Variants in PRTG observed in about 807,000 individuals in gnomAD.
The protein encoded by PRTG is immunoglobulin superfamily, DCC subclass, member 5.
Under a neutral mutation model 122.5 loss-of-function variants are expected in PRTG, and 67 were observed. That is an observed-to-expected ratio of 0.55 (90% CI 0.45 to 0.67). PRTG has a LOEUF of 0.67. PRTG is among the 30% of genes least tolerant of loss of function. The probability of loss-of-function intolerance (pLI) is 0.00; values close to 1 mark genes in which losing one functional copy is unlikely to be tolerated. For synonymous variants in PRTG, 554 were observed against 501.1 expected, an observed-to-expected ratio of 1.11 and a Z score of -1.41; for missense variants, 1,435 against 1,415.4, an observed-to-expected ratio of 1.01 and a Z score of -0.22.
At chr15:55,659,425 T>C (rs2059397386) in intron 11 of PRTG, among the ~76,000 whole-genome samples, 1 of 152,174 alleles carries the variant, frequency 6.6e-6, no homozygotes, top group African/African-American at 2.4e-5. Context: ...ACTCCTATTA[T>C]CTTTCAGATC....
In PRTG at chr15:55,683,908, G is replaced by C. The variant is rs750954145; in HGVS notation, c.421C>G (p.Pro141Ala). 3.7e-6 allele frequency: 6 copies of C among 1,613,458 alleles called. No individual in the cohort carries two copies. Among genetic ancestry groups the C allele is most frequent in the Non-Finnish European group, 5.1e-6 (6 of 1,179,730 alleles). ...LSTISAFEVQ[P>A]ISTEVHEGGV... ...CCTTCGTGGACCTCAGTGGAAATTGGCTGGACTTCAAATGCAGAAATAGCT... is the reference window on the plus strand; with the variant it reads ...CCTTCGTGGACCTCAGTGGAAATTGCCTGGACTTCAAATGCAGAAATAGCT... The change falls in exon 3 of 20, where the codon CCA becomes GCA. Residue 141 changes from proline (P) to alanine (A), a missense_variant. Pro to Ala is a conservative substitution (Grantham distance 27, BLOSUM62 -1). Transcript: ENST00000389286.
rs1372071526 is a variant in PRTG at position 55,672,557 on chromosome 15, C to A, written c.1929G>T (p.Glu643Asp). The change falls in exon 11 of 20, where the codon GAG becomes GAT. Residue 643 changes from glutamate to aspartate, a missense_variant. By Grantham distance (45) the Glu-to-Asp change is conservative. Transcript: ENST00000389286. ...TGTAGCCCTGAATAGCAGCTGTGTC[C>A]TCTACATCTTGCTGCCACCTCACAG... ...TISVRWQQDV[E>D]DTAAIQGYKL... 1.9e-6 allele frequency: 3 copies of A among 1,613,970 alleles called. No homozygotes were observed. The highest frequency in any genetic ancestry group is 2.5e-6 in the Non-Finnish European group (3 of 1,179,912).
chr15:55,699,177 A>G (rs1173316099), intron 2 of PRTG, among the ~76,000 whole-genome samples: 1 of 152,174 alleles, frequency 6.6e-6, no homozygotes, highest in Non-Finnish European at 1.5e-5. Context: ...GATGATCTTA[A>G]AACTCAATGA....
intron 2 of PRTG, among the ~76,000 whole-genome samples, chr15:55,714,488 C>G (rs1373654439): frequency 2.6e-5 from 4 of 151,920 alleles, no homozygotes; most frequent in African/African-American, 9.7e-5. Flanking sequence ...GCCTCAGCCT[C>G]CCTAAGTGTT....
At chr15:55,678,568 A>G (rs1432294965) in intron 7 of PRTG, among the ~76,000 whole-genome samples, 2 of 152,208 alleles carry the variant, frequency 1.3e-5, no homozygotes, top group Non-Finnish European at 2.9e-5. Flanking sequence ...TTAGATAATA[A>G]AAGTTACTGA....
intron 18 of PRTG, among the ~76,000 whole-genome samples, chr15:55,623,188 C>G (rs573974615): frequency 6.6e-6 from 1 of 151,924 alleles, no homozygotes; most frequent in Non-Finnish European, 1.5e-5. Flanking sequence ...AGGGCCAGAT[C>G]GTAACTATTT....
In PRTG at chr15:55,613,286, T is replaced by G. The variant is rs2059128631; in HGVS notation, c.*6726A>C. 1 of 152,116 alleles carries G rather than the reference T, an allele frequency of 6.6e-6. No homozygotes were observed. Among genetic ancestry groups the G allele is most frequent in the Middle Eastern group, 3.2e-3 (1 of 316 alleles). The allele number at this position is 152,116 out of a possible 1,614,324, so 9.4% of individuals were successfully genotyped here. On this transcript the variant is annotated 3_prime_UTR_variant, in exon 20 of 20. Transcript: ENST00000389286. ...TAAATTAGTTTATATTCATAAAAAA[T>G]CATGAACTCTTCAGACCTAACAAGA...
At chr15:55,635,816 T>G (rs1325421198) in intron 15 of PRTG, among the ~76,000 whole-genome samples, 1 of 152,186 alleles carries the variant, frequency 6.6e-6, no homozygotes, top group Non-Finnish European at 1.5e-5. Flanking sequence ...AAAAGTACAA[T>G]GTATGTGGGA....
At chr15:55,639,985 T>C (rs980455566) in intron 12 of PRTG, 157 bp from the exon 13 acceptor site, 1 of 983,208 alleles carries the variant, frequency 1.0e-6, no homozygotes, top group Non-Finnish European at 1.2e-6. Context: ...CATCCAAACC[T>C]AAACAGCTCT....
Position 55,617,899 on chromosome 15 carries a change from CTACT to C in PRTG, c.*2109_*2112del, listed in dbSNP as rs1186612151. On this transcript the variant is annotated 3_prime_UTR_variant, in exon 20 of 20. Transcript: ENST00000389286. ...TGATAAAAGTTGGCCCTATATACTT[CTACT>C]TACCAACCACAAAGCGCTATACCCT... The C allele has an allele frequency of 6.6e-6, 1 of 152,164 alleles. No homozygotes were observed. The highest frequency in any genetic ancestry group is 6.5e-5 in the Admixed American group (1 of 15,274). The allele number at this position is 152,164 out of a possible 1,614,324, so 9.4% of individuals were successfully genotyped here.
intron 2 of PRTG, among the ~76,000 whole-genome samples, chr15:55,718,204 G>A (rs2030671769): frequency 6.6e-6 from 1 of 152,100 alleles, no homozygotes; most frequent in Non-Finnish European, 1.5e-5. Flanking sequence ...ACTCGACAGT[G>A]GTTCCAAATA....
At chr15:55,725,779 T>A (rs1244958806) in intron 2 of PRTG, among the ~76,000 whole-genome samples, 1 of 152,114 alleles carries the variant, frequency 6.6e-6, no homozygotes, top group Admixed American at 6.5e-5. Flanking sequence ...ACTAACTTTA[T>A]TTATCTATTT....
intron 11 of PRTG, among the ~76,000 whole-genome samples, chr15:55,666,914 T>C (rs1366577032): frequency 6.6e-6 from 1 of 152,218 alleles, no homozygotes; most frequent in Non-Finnish European, 1.5e-5. Flanking sequence ...CATTTGTTAA[T>C]AAGTTGTGAA....
At chr15:55,669,174 A>T (rs73423335) in intron 11 of PRTG, among the ~76,000 whole-genome samples, 18,334 of 152,156 alleles carry the variant, frequency 0.12, 1,239 homozygotes, top group African/African-American at 0.18. Context: ...GAAGTAAAAA[A>T]AAAAAGGTGT....
At chr15:55,640,400 A>G (rs1381154128) in intron 12 of PRTG, among the ~76,000 whole-genome samples, 3 of 152,194 alleles carry the variant, frequency 2.0e-5, no homozygotes, top group Admixed American at 6.5e-5. Flanking sequence ...CAGAAATGTC[A>G]TTCTGCTGTG....
intron 11 of PRTG, chr15:55,656,217 C>A: frequency 2.8e-6 from 1 of 352,088 alleles, no homozygotes; most frequent in Non-Finnish European, 5.5e-6. Context: ...CAGGATTACA[C>A]GCTCCACATC....
At chr15:55,638,777 C>G in intron 13 of PRTG, 101 bp from the exon 14 acceptor site, 1 of 937,720 alleles carries the variant, frequency 1.1e-6, no homozygotes, top group Non-Finnish European at 1.6e-6. Flanking sequence ...TGTTATTTTT[C>G]ATTACCTCCT....
At position 55,682,418 on chromosome 15, in the gene PRTG, C is replaced by T. The variant is rs200978963; in HGVS notation, c.622G>A (p.Ala208Thr). Residue 208 changes from alanine (A) to threonine (T), a missense_variant, in exon 4 of 20, where the codon GCC becomes ACC. Coordinates refer to ENST00000389286, the MANE Select transcript of PRTG (RefSeq NM_173814.6). ...CTTTTACGTCGGTGGGCTACAGTGG[C>T]AGCAATACAACGATAATTTCCAGAA... ...RDSGNYRCIAATVAHRRKSME... is the reference protein window; with the variant it reads ...RDSGNYRCIATTVAHRRKSME... 3.1e-6 allele frequency: 5 copies of T among 1,606,398 alleles called. No homozygotes were observed. In the South Asian group the frequency reaches 4.4e-5, roughly 14 times the overall value.
rs912637357 is a variant in PRTG at position 55,612,383 on chromosome 15, T to G, written c.*7629A>C. The G allele has an allele frequency of 1.3e-5, 2 of 151,874 alleles. No individual in the cohort carries two copies. Among genetic ancestry groups the G allele is most frequent in the African/African-American group, 4.8e-5 (2 of 41,344 alleles). 9.4% of individuals were successfully genotyped at this position (151,874 alleles called of 1,614,324 possible). On this transcript the variant is annotated 3_prime_UTR_variant, in exon 20 of 20. Transcript: ENST00000389286. ...CATGAACTACTTACAAGCTATGAAC[T>G]TAAGGAAATCTGCAAAGCTGTTCAG...
Sources: allele counts gnomAD v4.1 joint callset (sites outside exome capture counted in the v4.1 genomes callset), GRCh38; gene constraint gnomAD v4.1.1; transcripts MANE v1.5; gene names NCBI Gene and HGNC (gene_info 2026-07-23, HGNC 2026-07-21).